The following PTPRD variants were observed in gnomAD, a reference collection of about 807,000 sequenced individuals.
PTPRD encodes protein tyrosine phosphatase receptor type D.
PTPRD carries 34 observed loss-of-function variants against 214.5 expected under a neutral mutation model. The observed-to-expected ratio is 0.16, with a 90% CI of 0.12 to 0.21. The LOEUF is 0.21. PTPRD is among the 10% of genes least tolerant of loss of function. PTPRD has a pLI of 1.00. For missense variants in PTPRD, 2,545 were observed against 2,398.7 expected, an observed-to-expected ratio of 1.06 and a Z score of -1.27; for synonymous variants, 1,128 against 845.7, an observed-to-expected ratio of 1.33 and a Z score of -5.79.
At chr9:8,689,197 CCAAT>C (rs2097755278) in intron 12 of PTPRD, among the ~76,000 whole-genome samples, 1 of 151,934 alleles carries the variant, frequency 6.6e-6, no homozygotes, top group South Asian at 2.1e-4. Flanking sequence ...CTAATTGATA[CCAAT>C]ATCATTATTA....
intron 11 of PTPRD, among the ~76,000 whole-genome samples, chr9:8,917,599 T>A (rs1309587839): frequency 6.6e-6 from 1 of 152,158 alleles, no homozygotes; most frequent in East Asian, 1.9e-4. Flanking sequence ...TTCTTTTTAA[T>A]CACCCCTATT....
intron 3 of PTPRD, among the ~76,000 whole-genome samples, chr9:10,290,791 C>G (rs1376147812): frequency 1.3e-5 from 2 of 151,978 alleles, no homozygotes; most frequent in Non-Finnish European, 2.9e-5. Context: ...CATGAAGTGT[C>G]ATTGTTATTT....
chr9:9,764,458 AAGAT>A (rs1252142012), intron 6 of PTPRD, among the ~76,000 whole-genome samples: 3 of 152,208 alleles, frequency 2.0e-5, no homozygotes, highest in African/African-American at 7.2e-5. Context: ...CCCACCTAAA[AAGAT>A]AAAGACAAAT....
chr9:9,653,406 C>T (rs959675125), intron 7 of PTPRD, among the ~76,000 whole-genome samples: 3 of 115,742 alleles, frequency 2.6e-5, no homozygotes, highest in South Asian at 3.1e-4. Flanking sequence ...TCTCATTTTA[C>T]GCCTAAAGAA....
intron 3 of PTPRD, among the ~76,000 whole-genome samples, chr9:10,183,793 C>G (rs2099314551): frequency 6.6e-6 from 1 of 151,950 alleles, no homozygotes; most frequent in South Asian, 2.1e-4. Flanking sequence ...AAAATCAAAG[C>G]CTTTTTAGTG....
intron 34 of PTPRD, among the ~76,000 whole-genome samples, chr9:8,441,866 C>G (rs1272362042): frequency 2.8e-4 from 42 of 152,194 alleles, no homozygotes; most frequent in Admixed American, 2.7e-3. Flanking sequence ...ACCCCGTACA[C>G]TCTCATTTAG....
intron 2 of PTPRD, among the ~76,000 whole-genome samples, chr9:10,607,871 C>T (rs1234731528): frequency 1.3e-5 from 2 of 151,464 alleles, no homozygotes. Context: ...TGTATTGTAT[C>T]CTACAAGATC....
chr9:10,398,589 A>G (rs1374463742), intron 2 of PTPRD, among the ~76,000 whole-genome samples: 1 of 151,984 alleles, frequency 6.6e-6, no homozygotes, highest in African/African-American at 2.4e-5. Context: ...ATAGATATAA[A>G]TACAAATGAA....
At chr9:8,904,814 A>C (rs930210987) in intron 11 of PTPRD, among the ~76,000 whole-genome samples, 1 of 152,192 alleles carries the variant, frequency 6.6e-6, no homozygotes, top group African/African-American at 2.4e-5. Context: ...TTGATTGTAC[A>C]CTCATAATGC....
chr9:8,904,068 G>A (rs1278272862), intron 11 of PTPRD, among the ~76,000 whole-genome samples: 3 of 152,138 alleles, frequency 2.0e-5, no homozygotes, highest in African/African-American at 4.8e-5. Context: ...TTGCAATAAT[G>A]CTACAGTGAA....
At chr9:8,426,006 A>C (rs2131863712) in intron 35 of PTPRD, among the ~76,000 whole-genome samples, 1 of 152,270 alleles carries the variant, frequency 6.6e-6, no homozygotes, top group South Asian at 2.1e-4. Context: ...ACCTTCCCCT[A>C]ATTGCTTTCA....
In PTPRD at chr9:9,385,488, G is replaced by A. The variant is rs555810884; in HGVS notation, c.-203+11961C>T. 1.4e-4 allele frequency among the ~76,000 whole-genome samples: 22 copies of A among 152,256 alleles called. 1 individual carries two copies. In the East Asian group the frequency reaches 1.7e-3, roughly 12 times the overall value. ...AGCCTAACCTGGGTCAGTAATCACA[G>A]GAAACCAATCCTTTCATATATATTT... On this transcript the variant is annotated intron_variant, in intron 9 of 45. Coordinates refer to ENST00000381196, the MANE Select transcript of PTPRD (RefSeq NM_002839.4).
chr9:8,790,303 G>A (rs183217627), intron 11 of PTPRD, among the ~76,000 whole-genome samples: 20 of 152,006 alleles, frequency 1.3e-4, no homozygotes, highest in African/African-American at 2.2e-4. Context: ...GGTGTGAGCC[G>A]CTGCACTTGG....
chr9:8,468,747 C>T (rs1000262253), intron 31 of PTPRD, among the ~76,000 whole-genome samples: 1 of 140,784 alleles, frequency 7.1e-6, no homozygotes, highest in Non-Finnish European at 1.5e-5. Context: ...TCAAACCTGG[C>T]AGTATCAAGC....
intron 8 of PTPRD, among the ~76,000 whole-genome samples, chr9:9,522,937 G>C (rs909704249): frequency 2.0e-5 from 3 of 152,092 alleles, no homozygotes; most frequent in South Asian, 2.1e-4. Flanking sequence ...AGATTTGACA[G>C]GGAAGGTGGA....
chr9:9,650,846 C>A (rs1159625818), intron 7 of PTPRD, among the ~76,000 whole-genome samples: 2 of 151,792 alleles, frequency 1.3e-5, no homozygotes, highest in East Asian at 3.9e-4. Context: ...ACCTATTTAT[C>A]AGACTAAATT....
intron 12 of PTPRD, among the ~76,000 whole-genome samples, chr9:8,711,675 G>C (rs2098335503): frequency 6.6e-6 from 1 of 152,190 alleles, no homozygotes. Context: ...CAGAGATTCT[G>C]ATTAGGTTGG....
intron 7 of PTPRD, among the ~76,000 whole-genome samples, chr9:9,632,729 A>T (rs1323798499): frequency 6.6e-6 from 1 of 152,204 alleles, no homozygotes; most frequent in East Asian, 1.9e-4. Flanking sequence ...GTGGTTCAAC[A>T]GGATGCCTGA....
intron 7 of PTPRD, among the ~76,000 whole-genome samples, chr9:9,664,904 T>A (rs951271499): frequency 6.6e-6 from 1 of 151,738 alleles, no homozygotes; most frequent in African/African-American, 2.4e-5. Context: ...ACAAAAGTTC[T>A]AATCACCAGT....
Sources: gnomAD v4.1 joint callset for allele counts (sites outside exome capture counted in the v4.1 genomes callset) on GRCh38, gnomAD v4.1.1 for gene constraint, MANE v1.5 for transcripts, NCBI Gene and HGNC (gene_info 2026-07-23, HGNC 2026-07-21) for gene names.